The following SYT17 variants were observed in gnomAD, a reference collection of about 807,000 sequenced individuals.
SYT17 encodes the protein synaptotagmin 17, also known as synaptotagmin-17.
Under a neutral mutation model 46.7 loss-of-function variants are expected in SYT17, and 22 were observed. The ratio of observed to expected loss-of-function variants is 0.47; its 90% confidence interval spans 0.34 to 0.67. The LOEUF is 0.67. Among genes scored for constraint, SYT17 ranks in the 30% least tolerant of loss-of-function variants. The pLI is 0.01. For synonymous variants in SYT17, 251 were observed against 248.4 expected (o/e 1.01, Z -0.10); for missense variants, 519 against 612.8 (o/e 0.85, Z 1.62).
At chr16:19,229,389 A>G (rs2352982) in intron 7 of SYT17, among the ~76,000 whole-genome samples, 50,083 of 151,804 alleles carry the variant, frequency 0.33, 9,375 homozygotes, top group African/African-American at 0.51. Context: ...CGTGCACCTG[A>G]CATGGCCAGA....
intron 1 of SYT17, chr16:19,170,505 G>A (rs1298352566): frequency 1.3e-5 from 2 of 152,118 alleles, no homozygotes; most frequent in African/African-American, 2.4e-5. Context: ...GTGAGCCCAG[G>A]AGACCCAATG....
intron 7 of SYT17, among the ~76,000 whole-genome samples, chr16:19,233,932 G>C (rs1173319362): frequency 6.6e-6 from 1 of 152,160 alleles, no homozygotes; most frequent in Non-Finnish European, 1.5e-5. Flanking sequence ...CTTCTAGCCT[G>C]ACTTAGTGAG....
intron 5 of SYT17, among the ~76,000 whole-genome samples, chr16:19,214,250 A>G (rs1371202263): frequency 6.6e-6 from 1 of 152,166 alleles, no homozygotes; most frequent in Non-Finnish European, 1.5e-5. Flanking sequence ...AAGTGGGGCA[A>G]GTTGAGGAGC....
At chr16:19,226,474 T>C (rs928400384) in intron 7 of SYT17, among the ~76,000 whole-genome samples, 1 of 152,194 alleles carries the variant, frequency 6.6e-6, no homozygotes, top group African/African-American at 2.4e-5. Context: ...CAAATGTCTA[T>C]CCTCTGAGAC....
intron 5 of SYT17, among the ~76,000 whole-genome samples, chr16:19,191,650 T>C (rs1245252380): frequency 1.3e-5 from 2 of 152,196 alleles, no homozygotes; most frequent in East Asian, 3.8e-4. Context: ...GATAGAGTGA[T>C]AGATGGATAG....
chr16:19,180,684 A>G, intron 4 of SYT17, 145 bp downstream of exon 4: 1 of 941,074 alleles, frequency 1.1e-6, no homozygotes, highest in Non-Finnish European at 1.6e-6. Flanking sequence ...AGAGAGAGAT[A>G]ATGACGGTGT....
At chr16:19,221,484 A>G (rs1966315562) in intron 5 of SYT17, among the ~76,000 whole-genome samples, 1 of 152,234 alleles carries the variant, frequency 6.6e-6, no homozygotes, top group Non-Finnish European at 1.5e-5. Flanking sequence ...ATAAGTTAAA[A>G]TGTGATGTGG....
intron 7 of SYT17, among the ~76,000 whole-genome samples, chr16:19,238,237 TTTC>T (rs993188280): frequency 6.6e-6 from 1 of 152,182 alleles, no homozygotes; most frequent in African/African-American, 2.4e-5. Context: ...TGAATCAGGA[TTTC>T]TTGTCTGTAG....
chr16:19,251,727 A>G (rs940783610), intron 7 of SYT17, among the ~76,000 whole-genome samples: 6 of 152,134 alleles, frequency 3.9e-5, no homozygotes, highest in Non-Finnish European at 7.4e-5. Flanking sequence ...CTAAGCTCCT[A>G]GAGCCTCTTT....
intron 5 of SYT17, among the ~76,000 whole-genome samples, chr16:19,216,276 A>G (rs1302356418): frequency 6.6e-6 from 1 of 152,068 alleles, no homozygotes; most frequent in Admixed American, 6.5e-5. Flanking sequence ...CTCCTCCTCC[A>G]TGAAGACTTC....
chr16:19,229,278 C>T (rs1000198718), intron 7 of SYT17, among the ~76,000 whole-genome samples: 2 of 152,168 alleles, frequency 1.3e-5, no homozygotes, highest in Admixed American at 6.5e-5. Flanking sequence ...TTAATTGGCT[C>T]ATGGGTCCTC....
At chr16:19,266,421 G>A (rs377461263) in intron 7 of SYT17, among the ~76,000 whole-genome samples, 4 of 152,198 alleles carry the variant, frequency 2.6e-5, no homozygotes, top group South Asian at 2.1e-4. Context: ...GGATTATCCC[G>A]CCCATAATGT....
chr16:19,240,153 T>C (rs1437691229), intron 7 of SYT17, among the ~76,000 whole-genome samples: 1 of 152,212 alleles, frequency 6.6e-6, no homozygotes. Context: ...CCCTCCTTCT[T>C]GTTGCCTGTA....
intron 5 of SYT17, among the ~76,000 whole-genome samples, chr16:19,203,862 T>G (rs1965562976): frequency 6.6e-6 from 1 of 152,162 alleles, no homozygotes; most frequent in Non-Finnish European, 1.5e-5. Flanking sequence ...TGGGGGTTGG[T>G]GGATGGTCTG....
intron 5 of SYT17, among the ~76,000 whole-genome samples, chr16:19,215,490 C>T (rs1408973539): frequency 1.3e-5 from 2 of 152,202 alleles, no homozygotes; most frequent in African/African-American, 2.4e-5. Flanking sequence ...TAGTTCACTG[C>T]AGCCTCAAAC....
rs1966219142 is a variant in SYT17 at position 19,219,431 on chromosome 16, AAAAAAAAAAAAAAAAT to A, written c.952-3611_952-3596del. On this transcript the variant is annotated intron_variant, in intron 5 of 7. Transcript: ENST00000355377. ...CTCAAAAAAAAAAAAAAAAAAAAAAAAAAAAAAAAAAAAAATAATAATAATAATAATAATAAAACAA... is the reference window on the plus strand; with the variant it reads ...CTCAAAAAAAAAAAAAAAAAAAAAAAAATAATAATAATAATAATAAAACAA... Among the ~76,000 whole-genome samples the A allele has an allele frequency of 3.3e-4, 2 of 6,070 alleles. 1 individual carries two copies. The highest frequency in any genetic ancestry group is 6.3e-3 in the African/African-American group (2 of 316). 4.0% of individuals were successfully genotyped at this position (6,070 alleles called of 152,430 possible).
At chr16:19,217,107 T>G (rs186462637) in intron 5 of SYT17, among the ~76,000 whole-genome samples, 1 of 152,256 alleles carries the variant, frequency 6.6e-6, no homozygotes, top group East Asian at 1.9e-4. Context: ...ATTGTGGTTT[T>G]GATTTGCATT....
In SYT17 at chr16:19,180,415, G is replaced by A. The variant is rs1372444429; in HGVS notation, c.207G>A (p.Lys69=). The A allele has an allele frequency of 6.2e-7, 1 of 1,614,116 alleles. No individual in the cohort carries two copies. Among genetic ancestry groups the A allele is most frequent in the Non-Finnish European group, 8.5e-7 (1 of 1,180,050 alleles). The change falls in exon 4 of 8, where the codon AAG becomes AAA. Residue 69 remains lysine (K), a synonymous_variant. Transcript: ENST00000355377. ...PWLMASRSSD[K]DGDSVHTASE... ...GGATGGCCAGCCGGAGCAGTGACAA[G>A]GATGGTGACTCTGTCCACACGGCCA...
intron 5 of SYT17, among the ~76,000 whole-genome samples, chr16:19,220,387 C>T (rs1966271301): frequency 7.0e-6 from 1 of 142,972 alleles, no homozygotes; most frequent in South Asian, 2.2e-4. Context: ...ACTGCAACCT[C>T]CGCCTCCTGG....
Sources: allele counts gnomAD v4.1 joint callset (sites outside exome capture counted in the v4.1 genomes callset), GRCh38; gene constraint gnomAD v4.1.1; transcripts MANE v1.5; gene names NCBI Gene and HGNC (gene_info 2026-07-23, HGNC 2026-07-21).